Variants in CSMD1 observed in about 807,000 individuals in gnomAD.
CSMD1 encodes the protein CUB and Sushi multiple domains 1, also known as CUB and sushi domain-containing protein 1.
CSMD1 carries 213 observed loss-of-function variants against 417.5 expected under a neutral mutation model. That is an observed-to-expected ratio of 0.51 (90% CI 0.46 to 0.57). The LOEUF is 0.57. CSMD1 is among the 20% of genes least tolerant of loss of function. The pLI, the probability that CSMD1 is intolerant of heterozygous loss-of-function variation, is 0.00. For synonymous variants in CSMD1, 2,862 were observed against 1,736.8 expected, an observed-to-expected ratio of 1.65 and a Z score of -16.11; for missense variants, 6,923 against 4,529.7, an observed-to-expected ratio of 1.53 and a Z score of -15.17.
intron 3 of CSMD1, among the ~76,000 whole-genome samples, chr8:4,217,316 T>C (rs1800743790): frequency 6.6e-6 from 1 of 152,250 alleles, no homozygotes; most frequent in African/African-American, 2.4e-5. Context: ...GTGAATCCCC[T>C]GTGTGCCAGG....
intron 5 of CSMD1, among the ~76,000 whole-genome samples, chr8:3,899,894 A>G (rs1002377257): frequency 3.1e-4 from 47 of 152,210 alleles, no homozygotes; most frequent in African/African-American, 1.1e-3. Context: ...GAGCTTAAGA[A>G]CTTGCTTAAA....
intron 5 of CSMD1, among the ~76,000 whole-genome samples, chr8:3,908,719 G>A (rs1282597381): frequency 1.3e-5 from 2 of 152,130 alleles, no homozygotes; most frequent in African/African-American, 2.4e-5. Context: ...GCAGGCCAGA[G>A]GTCTCAAAGA....
chr8:3,719,419 C>T (rs190729017), intron 6 of CSMD1, among the ~76,000 whole-genome samples: 3 of 152,144 alleles, frequency 2.0e-5, no homozygotes, highest in Non-Finnish European at 4.4e-5. Context: ...AGTCTAGTTT[C>T]TCATTCTTTT....
chr8:3,240,763 G>A (rs1238113611), intron 26 of CSMD1, among the ~76,000 whole-genome samples: 2 of 152,094 alleles, frequency 1.3e-5, no homozygotes, highest in Non-Finnish European at 2.9e-5. Context: ...ATATGGGTTT[G>A]GCACCACTGG....
At chr8:4,850,380 A>ATATTTTTTTTTTTTTTTT (rs1403352847) in intron 1 of CSMD1, among the ~76,000 whole-genome samples, 1 of 82,770 alleles carries the variant, frequency 1.2e-5, no homozygotes, top group African/African-American at 4.9e-5. Flanking sequence ...AATCCAATTT[A>ATATTTTTTTTTTTTTTTT]TCTTTTTTTT....
rs533300541 is a variant in CSMD1 at position 3,755,589 on chromosome 8, G to C, written c.819-1547C>G. Among the ~76,000 whole-genome samples, 6 of 152,186 alleles carry C rather than the reference G, an allele frequency of 3.9e-5. No individual in the cohort carries two copies. In the East Asian group the frequency reaches 1.2e-3, roughly 30 times the overall value. ...CTGAGGACCTGATTTCTACACAGAC[G>C]ATTTCCTACGAAATGGGTCACCTGT... On this transcript the variant is annotated intron_variant, in intron 5 of 69. Coordinates refer to ENST00000635120, the MANE Select transcript of CSMD1 (RefSeq NM_033225.6).
chr8:3,646,630 T>C (rs780339921), intron 7 of CSMD1, among the ~76,000 whole-genome samples: 40 of 152,202 alleles, frequency 2.6e-4, no homozygotes, highest in Non-Finnish European at 4.6e-4. Flanking sequence ...TGAGTAACTT[T>C]CTTGGTTCCT....
chr8:4,615,555 CA>C (rs1376676065), intron 2 of CSMD1, among the ~76,000 whole-genome samples: 1 of 152,012 alleles, frequency 6.6e-6, no homozygotes, highest in Non-Finnish European at 1.5e-5. Context: ...GTGTGAGGGC[CA>C]ATAGGTTTTC....
intron 3 of CSMD1, among the ~76,000 whole-genome samples, chr8:4,292,291 C>A (rs1797413782): frequency 6.6e-6 from 1 of 152,086 alleles, no homozygotes; most frequent in African/African-American, 2.4e-5. Flanking sequence ...CTCGCTCTGT[C>A]GCCCAGGCTG....
At chr8:3,266,217 G>C (rs1235494782) in intron 26 of CSMD1, among the ~76,000 whole-genome samples, 1 of 150,958 alleles carries the variant, frequency 6.6e-6, no homozygotes, top group Non-Finnish European at 1.5e-5. Flanking sequence ...TGGCCAGGGA[G>C]TCAGGGGGCT....
chr8:4,090,304 T>C (rs1243657844), intron 3 of CSMD1, among the ~76,000 whole-genome samples: 1 of 152,192 alleles, frequency 6.6e-6, no homozygotes, highest in African/African-American at 2.4e-5. Flanking sequence ...AGCCACTAGG[T>C]AATATCGTTT....
chr8:3,013,377 A>G (rs4876060), intron 52 of CSMD1, among the ~76,000 whole-genome samples: 1 of 152,128 alleles, frequency 6.6e-6, no homozygotes, highest in Non-Finnish European at 1.5e-5. Flanking sequence ...AGTTTCTTCC[A>G]TCTTTCACCT....
At chr8:4,788,104 A>G in intron 1 of CSMD1, 1 of 1,603,590 alleles carries the variant, frequency 6.2e-7, no homozygotes, top group Non-Finnish European at 8.5e-7. Flanking sequence ...TCAGAAAGTC[A>G]GTGCAGGGTT....
At chr8:3,192,757 G>C (rs1796498599) in intron 33 of CSMD1, among the ~76,000 whole-genome samples, 2 of 152,176 alleles carry the variant, frequency 1.3e-5, no homozygotes, top group Admixed American at 1.3e-4. Context: ...AGGAGGTCAG[G>C]TGTGAAATTT....
intron 7 of CSMD1, among the ~76,000 whole-genome samples, chr8:3,686,914 A>T (rs1799971086): frequency 6.6e-6 from 1 of 152,170 alleles, no homozygotes; most frequent in Non-Finnish European, 1.5e-5. Flanking sequence ...AAGAGGACAG[A>T]GTAGAGCTTT....
rs559035830 is a variant in CSMD1 at position 4,405,493 on chromosome 8, A to G, written c.415+14460T>C. On this transcript the variant is annotated intron_variant, in intron 3 of 69. Transcript: ENST00000635120. ...TGTTTGAAAGAGTGAAGTGAAGTCAATGTGCAACACCCAGCACAGCGGCTT... is the reference window on the plus strand; with the variant it reads ...TGTTTGAAAGAGTGAAGTGAAGTCAGTGTGCAACACCCAGCACAGCGGCTT... Among the ~76,000 whole-genome samples the G allele has an allele frequency of 1.1e-4, 16 of 152,274 alleles. No homozygotes were observed. The South Asian group carries it at 2.1e-3, about 20-fold the overall frequency.
chr8:3,485,560 G>T (rs55960975), intron 11 of CSMD1, among the ~76,000 whole-genome samples: 19,222 of 150,220 alleles, frequency 0.13, 1,293 homozygotes, highest in East Asian at 0.21. Flanking sequence ...GAGAGAGAGA[G>T]AGAGGGAGAG....
Position 4,024,354 on chromosome 8 carries a change from G to C in CSMD1, c.610+7551C>G, listed in dbSNP as rs80235669. Among the ~76,000 whole-genome samples, 706 of 152,246 alleles carry C rather than the reference G, an allele frequency of 4.6e-3. 4 individuals carry two copies. The highest frequency in any genetic ancestry group is 7.4e-3 in the Non-Finnish European group (505 of 68,010). On this transcript the variant is annotated intron_variant, in intron 4 of 69. Transcript: ENST00000635120. ...AAACCAGAAATGGTTAAATCTTATG[G>C]ATTCTGTGGCATAAGAGTATGGATA...
chr8:3,263,724 A>G (rs1460616769), intron 26 of CSMD1, among the ~76,000 whole-genome samples: 1 of 152,234 alleles, frequency 6.6e-6, no homozygotes, highest in Non-Finnish European at 1.5e-5. Flanking sequence ...ACTTATCCCA[A>G]TTAAGTTCTT....
Sources: gnomAD v4.1 joint callset for allele counts (sites outside exome capture counted in the v4.1 genomes callset) on GRCh38, gnomAD v4.1.1 for gene constraint, MANE v1.5 for transcripts, NCBI Gene and HGNC (gene_info 2026-07-23, HGNC 2026-07-21) for gene names.